MYO15A: variants seen among roughly 807,000 people sequenced by gnomAD.
The protein encoded by MYO15A is unconventional myosin-XV.
A neutral mutation model predicts 394.6 loss-of-function variants in MYO15A; 308 were observed. That is an observed-to-expected ratio of 0.78 (90% CI 0.71 to 0.86). MYO15A has a LOEUF of 0.86. Among genes scored for constraint, MYO15A ranks in the 40% least tolerant of loss-of-function variants. The pLI, the probability that MYO15A is intolerant of heterozygous loss-of-function variation, is 0.00. For synonymous variants in MYO15A, 1,957 were observed against 2,003.8 expected (o/e 0.98, Z 0.62); for missense variants, 4,606 against 4,799.1 (o/e 0.96, Z 1.19).
chr17:18,159,413 T>C (rs1414062264), intron 54 of MYO15A, 66 bp downstream of exon 54: 5 of 1,568,936 alleles, frequency 3.2e-6, no homozygotes, highest in African/African-American at 2.7e-5. Context: ...TGATCTCTAC[T>C]GGTTGCCACT....
intron 57 of MYO15A, 82 bp from the exon 58 acceptor site, chr17:18,162,503 G>T: frequency 8.1e-7 from 1 of 1,237,194 alleles, no homozygotes; most frequent in Non-Finnish European, 1.2e-6. Context: ...AATGCAGTGG[G>T]CTCATGGTTG....
At chr17:18,124,643 G>A (rs1847054753) in intron 3 of MYO15A, 78 bp downstream of exon 3, 2 of 1,390,220 alleles carry the variant, frequency 1.4e-6, no homozygotes, top group Admixed American at 3.7e-5. Flanking sequence ...AGCTCCTCCT[G>A]CAGTTGCCTC....
Position 18,127,175 on chromosome 17 carries a change from C to T in MYO15A, c.4032+10C>T, listed in dbSNP as rs2046062358. On this transcript the variant is annotated intron_variant, in intron 7 of 65. Coordinates refer to ENST00000647165, the MANE Select transcript of MYO15A (RefSeq NM_016239.4). Reference sequence around the variant, plus strand: ...GGAGGTCATGCAGCAGGTGAGTCTACCTGTCTCCCCAGGACCCTAGGCTGA... The same window carrying T: ...GGAGGTCATGCAGCAGGTGAGTCTATCTGTCTCCCCAGGACCCTAGGCTGA... 1.2e-6 allele frequency: 2 copies of T among 1,613,798 alleles called. No homozygotes were observed. Among genetic ancestry groups the T allele is most frequent in the Admixed American group, 1.7e-5 (1 of 60,010 alleles).
At position 18,118,759 on chromosome 17, in the gene MYO15A, C is replaced by G. The variant is rs781059921; in HGVS notation, c.-42C>G. Reference sequence around the variant, plus strand: ...CCCTGTGTCTCCAAGTCCCTGAGCCCGTGACACCGGCCCCAGGCCCTGTAG... The same window carrying G: ...CCCTGTGTCTCCAAGTCCCTGAGCCGGTGACACCGGCCCCAGGCCCTGTAG... On this transcript the variant is annotated 5_prime_UTR_variant, in exon 2 of 66. Transcript: ENST00000647165. The G allele has an allele frequency of 3.1e-6, 5 of 1,607,320 alleles. No homozygotes were observed. The highest frequency in any genetic ancestry group is 4.2e-6 in the Non-Finnish European group (5 of 1,177,678).
intron 1 of MYO15A, among the ~76,000 whole-genome samples, chr17:18,115,041 G>T (rs1168692189): frequency 6.6e-6 from 1 of 152,090 alleles, no homozygotes; most frequent in Admixed American, 6.6e-5. Context: ...AATTTGCTCT[G>T]TCTGCAGCCT....
At chr17:18,156,631 C>G (rs867284991) in intron 48 of MYO15A, among the ~76,000 whole-genome samples, 1 of 152,232 alleles carries the variant, frequency 6.6e-6, no homozygotes, top group South Asian at 2.1e-4. Flanking sequence ...AATCTCTTTC[C>G]ATCCCCTCTG....
rs2046419660 is a variant in MYO15A at position 18,143,550 on chromosome 17, ATCT to A, written c.5911-12_5911-10del. 6.4e-7 allele frequency: 1 copy of A among 1,552,992 alleles called. No individual in the cohort carries two copies. The highest frequency in any genetic ancestry group is 1.2e-5 in the South Asian group (1 of 84,172). On this transcript the variant is annotated splice_polypyrimidine_tract_variant and intron_variant, in intron 25 of 65. Coordinates refer to ENST00000647165, the MANE Select transcript of MYO15A (RefSeq NM_016239.4). Reference sequence around the variant, plus strand: ...TCTGCCTGCCACTCCCCAACCTGACATCTTCTCTTCTGAAGCTGAGGGCAGAGT... The same window carrying A: ...TCTGCCTGCCACTCCCCAACCTGACATCTCTTCTGAAGCTGAGGGCAGAGT...
rs1164234046 is a variant in MYO15A, at chr17:18,120,630, C to T, written c.1830C>T (p.Phe610=). ...TCAGGGAGGCGGCCTACAAACGCTT[C>T]GGCTACAAGCTGGCTGGCATGGACC... ...PAVREAAYKR[F]GYKLAGMDPE... is the part of the protein sequence containing the mutation. Residue 610 remains phenylalanine, a synonymous_variant, in exon 2 of 66, where the codon TTC becomes TTT. Transcript: ENST00000647165. 1.3e-6 allele frequency: 2 copies of T among 1,596,442 alleles called. No homozygotes were observed. The highest frequency in any genetic ancestry group is 8.5e-7 in the Non-Finnish European group (1 of 1,174,284).
chr17:18,124,332 C>T lies in MYO15A; in HGVS notation c.3610-151C>T, dbSNP rs980745756. On this transcript the variant is annotated intron_variant, in intron 2 of 65. Coordinates refer to ENST00000647165, the MANE Select transcript of MYO15A (RefSeq NM_016239.4). Reference sequence around the variant, plus strand: ...CGCATGCAGGTTCTGGGGGCCACAGCATTCTGTAATGAGGAGACCTGCAGG... The same window carrying T: ...CGCATGCAGGTTCTGGGGGCCACAGTATTCTGTAATGAGGAGACCTGCAGG... 50 of 745,314 alleles carry T rather than the reference C, an allele frequency of 6.7e-5. No homozygotes were observed. The Admixed American group carries it at 9.8e-4, about 15-fold the overall frequency. The allele number at this position is 745,314 out of a possible 1,614,324, so 46.2% of individuals were successfully genotyped here. A position where few individuals can be genotyped will look rare whatever the true frequency, so the allele number is the denominator to read the frequency against.
Position 18,160,127 on chromosome 17 carries a change from T to C in MYO15A, c.9386+110T>C, listed in dbSNP as rs712273. 0.56 allele frequency: 563,761 copies of C among 1,002,126 alleles called. 167,244 individuals carry two copies. Among genetic ancestry groups the C allele is most frequent in the African/African-American group, 0.67 (41,846 of 62,906 alleles). 62.1% of individuals were successfully genotyped at this position (1,002,126 alleles called of 1,614,324 possible). ...CCTGACCCCTCCTGGATTATCTTCC[T>C]CTCACCCTCATCCTCACTCAATAGA... On this transcript the variant is annotated intron_variant, in intron 56 of 65. Coordinates refer to ENST00000647165, the MANE Select transcript of MYO15A (RefSeq NM_016239.4).
In MYO15A at chr17:18,147,107, C is replaced by G. The variant is rs2046495844; in HGVS notation, c.6510-922C>G. On this transcript the variant is annotated intron_variant, in intron 30 of 65. Coordinates refer to ENST00000647165, the MANE Select transcript of MYO15A (RefSeq NM_016239.4). This position sits in a 1 kb window ranked among gnomAD's most constrained non-coding sequence, Gnocchi z 4.4. ...AAGGATGATTTGCAAGGAAATCGCT[C>G]AGGCAGGCCCTGGGTGTGAATCTCA... is the stretch of plus-strand genomic sequence containing the variant. Among the ~76,000 whole-genome samples, 1 of 152,188 alleles carries G rather than the reference C, an allele frequency of 6.6e-6. No individual in the cohort carries two copies. Among genetic ancestry groups the G allele is most frequent in the Non-Finnish European group, 1.5e-5 (1 of 68,040 alleles).
Position 18,171,695 on chromosome 17 carries a change from C to G in MYO15A, c.10140C>G (p.Thr3380=). 2 of 1,613,152 alleles carry G rather than the reference C, an allele frequency of 1.2e-6. No homozygotes were observed. The highest frequency in any genetic ancestry group is 1.7e-6 in the Non-Finnish European group (2 of 1,180,008). ...TCTACCGTACAACGGCAGGCTCGAC[C>G]TGGCTCAACCTGGTCAGCCAGCACC... The part of the protein sequence containing the change: ...AQLYRTTAGS[T]WLNLVSQHRQ... The change falls in exon 63 of 66, where the codon ACC becomes ACG. Residue 3380 remains threonine (T), a synonymous_variant. Transcript: ENST00000647165.
rs374494895 is a variant in MYO15A at position 18,167,636 on chromosome 17, G to C, written c.9995G>C (p.Ser3332Thr). 5 of 1,603,882 alleles carry C rather than the reference G, an allele frequency of 3.1e-6. No individual in the cohort carries two copies. The African/African-American group carries it at 6.7e-5, about 21-fold the overall frequency. The part of the protein sequence containing the change: ...LKGLFSSVPA[S>T]RPSEQLLQQV... ...GGACTCTTCAGCAGTGTGCCGGCCA[G>C]CCGGCCCAGCGAGCAGCTGCTGCAG... is the stretch of plus-strand genomic sequence containing the variant. The change falls in exon 62 of 66, where the codon AGC becomes ACC. Residue 3332 changes from serine (S) to threonine (T), a missense_variant. By Grantham distance (58) the Ser-to-Thr change is moderately conservative. Around this residue, in one of 2 missense-constraint regions of MYO15A, gnomAD observed 2,776 missense variants for 3,109.3 expected, o/e 0.89. Coordinates refer to ENST00000647165, the MANE Select transcript of MYO15A (RefSeq NM_016239.4).
rs1259362491 is a variant in MYO15A at position 18,119,989 on chromosome 17, G to A, written c.1189G>A (p.Val397Met). ...GGDEAIYPPEVPYFYPEESAS... is the reference protein window; with the variant it reads ...GGDEAIYPPEMPYFYPEESAS... ...GGACGAGGCCATCTACCCCCCCGAG[G>A]TGCCCTATTTTTACCCGGAGGAGTC... is the stretch of plus-strand genomic sequence containing the variant. The change falls in exon 2 of 66, where the codon GTG (valine) becomes ATG (methionine). Residue 397 changes from valine to methionine, a missense_variant. Physicochemically the swap from Val to Met is conservative, Grantham distance 21. Around this residue, in one of 2 missense-constraint regions of MYO15A, gnomAD observed 1,830 missense variants for 1,689.7 expected, o/e 1.08. Coordinates refer to ENST00000647165, the MANE Select transcript of MYO15A (RefSeq NM_016239.4). 1 of 1,613,730 alleles carries A rather than the reference G, an allele frequency of 6.2e-7. No individual in the cohort carries two copies. Among genetic ancestry groups the A allele is most frequent in the Non-Finnish European group, 8.5e-7 (1 of 1,180,014 alleles).
chr17:18,149,250 A>C lies in MYO15A; in HGVS notation c.6991A>C (p.Met2331Leu), dbSNP rs377668795. 2 of 1,614,054 alleles carry C rather than the reference A, an allele frequency of 1.2e-6. No individual in the cohort carries two copies. The highest frequency in any genetic ancestry group is 3.3e-5 in the Admixed American group (2 of 60,008). Residue 2331 changes from methionine (M) to leucine (L), a missense_variant, in exon 34 of 66, where the codon ATG (methionine) becomes CTG (leucine). Around this residue, in one of 2 missense-constraint regions of MYO15A, gnomAD observed 2,776 missense variants for 3,109.3 expected, o/e 0.89. Coordinates refer to ENST00000647165, the MANE Select transcript of MYO15A (RefSeq NM_016239.4). ...GAACAGCTGGGACTCGGATGAGGAC[A>C]TGTCCACTAGACCCCAGCCCCAGGA... is the stretch of plus-strand genomic sequence containing the variant. Reference protein sequence around the residue: ...FGNSWDSDEDMSTRPQPQEHM... With the variant: ...FGNSWDSDEDLSTRPQPQEHM...
At chr17:18,131,004 G>T (rs1289515667) in intron 8 of MYO15A, among the ~76,000 whole-genome samples, 194 bp downstream of exon 8, 10 of 151,980 alleles carry the variant, frequency 6.6e-5, no homozygotes, top group Non-Finnish European at 1.5e-4. Context: ...GGCCATGGAG[G>T]CTGGAATGGG....
At position 18,157,223 on chromosome 17, in the gene MYO15A, C is replaced by T. The variant is rs376495526; in HGVS notation, c.8781C>T (p.Pro2927=). 7.2e-5 allele frequency: 115 copies of T among 1,604,574 alleles called. No individual in the cohort carries two copies. The Admixed American group carries it at 8.5e-4, about 12-fold the overall frequency. The part of the protein sequence containing the change: ...VYLEELRRRG[P]DFGWRFGTIH... ...TGGAGGAGCTGCGACGTAGAGGCCC[C>T]GACTTTGGTGTGTGCCCCAGAACCT... Residue 2927 remains proline (P), a synonymous_variant, in exon 50 of 66, where the codon CCC becomes CCT. Transcript: ENST00000647165.
At chr17:18,138,468 G>T (rs1459560108) in intron 17 of MYO15A, among the ~76,000 whole-genome samples, 1 of 152,254 alleles carries the variant, frequency 6.6e-6, no homozygotes, top group Non-Finnish European at 1.5e-5. Context: ...GCCACAGAAG[G>T]TTTCCTGGAG....
Position 18,124,530 on chromosome 17 carries a change from C to G in MYO15A, c.3657C>G (p.His1219Gln). 2 of 1,613,206 alleles carry G rather than the reference C, an allele frequency of 1.2e-6. No individual in the cohort carries two copies. Among genetic ancestry groups the G allele is most frequent in the South Asian group, 2.2e-5 (2 of 91,078 alleles). ...CATCCATGCGGTTCCGTGAGCAGCA[C>G]GGGGAGGATGGTGTGGAGGACATGA... ...NLPSMRFREQHGEDGVEDMTQ... is the reference protein window; with the variant it reads ...NLPSMRFREQQGEDGVEDMTQ... Residue 1219 changes from histidine (H) to glutamine (Q), a missense_variant, in exon 3 of 66, where the codon CAC (histidine) becomes CAG (glutamine). Physicochemically the swap from His to Gln is conservative, Grantham distance 24. Coordinates refer to ENST00000647165, the MANE Select transcript of MYO15A (RefSeq NM_016239.4).
Sources: gnomAD v4.1 joint callset for allele counts (sites outside exome capture counted in the v4.1 genomes callset) on GRCh38, gnomAD v4.1.1 for gene constraint, gnomAD v4.1.1 regional missense constraint, Gnocchi (gnomAD v3.1) non-coding constraint, MANE v1.5 for transcripts, NCBI Gene and HGNC (gene_info 2026-07-23, HGNC 2026-07-21) for gene names.